The following GSG1L variants were observed in gnomAD, a reference collection of about 807,000 sequenced individuals.
The protein encoded by GSG1L is germ cell-specific gene 1-like protein.
Under a neutral mutation model 42.1 loss-of-function variants are expected in GSG1L, and 24 were observed. The ratio of observed to expected loss-of-function variants is 0.57; its 90% CI spans 0.41 to 0.80. The LOEUF (loss-of-function observed/expected upper bound fraction) is 0.80, where lower values mean the gene tolerates loss of function less well. GSG1L is among the 30% of genes least tolerant of loss of function. The probability of loss-of-function intolerance (pLI) is 0.00; values close to 1 mark genes in which losing one functional copy is unlikely to be tolerated. For synonymous variants in GSG1L, 215 were observed against 203.5 expected, an observed-to-expected ratio of 1.06 and a Z score of -0.48; for missense variants, 445 against 472.2, an observed-to-expected ratio of 0.94 and a Z score of 0.53.
intron 1 of GSG1L, among the ~76,000 whole-genome samples, chr16:28,030,614 C>T (rs1294288872): frequency 6.6e-6 from 1 of 152,192 alleles, no homozygotes; most frequent in Non-Finnish European, 1.5e-5. Flanking sequence ...AAAAATTTGT[C>T]TTTTTGCTTG....
intron 3 of GSG1L, among the ~76,000 whole-genome samples, chr16:27,859,964 G>C (rs549016545): frequency 1.2e-3 from 186 of 152,260 alleles, no homozygotes; most frequent in African/African-American, 4.1e-3. Context: ...TTACAGACGT[G>C]AGCTGCCACA....
intron 1 of GSG1L, among the ~76,000 whole-genome samples, chr16:27,990,314 A>G (rs2085441291): frequency 6.6e-6 from 1 of 152,146 alleles, no homozygotes. Flanking sequence ...TTTCCCTCTA[A>G]TTTCTCCATA....
chr16:27,799,589 AAAGAAGGGCTCAGAGAGGAAC>A (rs2082859641), intron 6 of GSG1L, among the ~76,000 whole-genome samples: 1 of 152,152 alleles, frequency 6.6e-6, no homozygotes. Context: ...ACAAGTGAGC[AAAGAAGGGCTCAGAGAGGAAC>A]AAGTGATGGA....
chr16:27,976,864 A>C (rs1259968230), intron 1 of GSG1L, among the ~76,000 whole-genome samples: 1 of 152,198 alleles, frequency 6.6e-6, no homozygotes, highest in Non-Finnish European at 1.5e-5. Flanking sequence ...TGTCTTGTTC[A>C]CCAACCACTC....
chr16:27,964,165 A>G (rs1019846922), intron 1 of GSG1L, among the ~76,000 whole-genome samples: 1 of 152,226 alleles, frequency 6.6e-6, no homozygotes, highest in African/African-American at 2.4e-5. Context: ...CCCCATCTCT[A>G]CTAAAAATAC....
At chr16:27,948,358 G>GTACTCT (rs1269011558) in intron 2 of GSG1L, among the ~76,000 whole-genome samples, 1 of 150,566 alleles carries the variant, frequency 6.6e-6, no homozygotes, top group African/African-American at 2.4e-5. Flanking sequence ...TAAGGTTTTG[G>GTACTCT]TATTCTTATT....
intron 2 of GSG1L, among the ~76,000 whole-genome samples, chr16:27,940,937 A>G (rs1286183824): frequency 9.9e-5 from 15 of 152,068 alleles, no homozygotes; most frequent in Admixed American, 9.8e-4. Flanking sequence ...AGGATGGATA[A>G]ATTTAGCTGC....
Position 27,887,584 on chromosome 16 carries a change from C to T in GSG1L, c.398-2946G>A, listed in dbSNP as rs115313208. On this transcript the variant is annotated intron_variant, in intron 2 of 6. Transcript: ENST00000447459. ...AACATGTCCTTTTCTAGCTCTCTGC[C>T]TTTGCACAAGTTGTTCCTTCCACCT... 1.3e-3 allele frequency among the ~76,000 whole-genome samples: 193 copies of T among 152,314 alleles called. 1 individual carries two copies. The highest frequency in any genetic ancestry group is 4.2e-3 in the African/African-American group (176 of 41,590).
At chr16:27,844,452 G>A (rs1195593954) in intron 4 of GSG1L, among the ~76,000 whole-genome samples, 3 of 152,018 alleles carry the variant, frequency 2.0e-5, no homozygotes, top group Non-Finnish European at 4.4e-5. Flanking sequence ...ACCTTCCATA[G>A]CACGCCTCTT....
intron 2 of GSG1L, among the ~76,000 whole-genome samples, chr16:27,923,770 A>G (rs62033482): frequency 1.5e-4 from 20 of 133,980 alleles, no homozygotes; most frequent in South Asian, 2.5e-4. Context: ...GAAAGAAAGA[A>G]AGAGAGAGAG....
chr16:28,016,761 C>CA (rs1158697075), intron 1 of GSG1L, among the ~76,000 whole-genome samples: 8 of 152,144 alleles, frequency 5.3e-5, no homozygotes, highest in Admixed American at 4.6e-4. Context: ...CCTCTCTGCA[C>CA]AATTATCTAC....
At chr16:27,948,914 T>TTATTATTATTATTATTAG (rs1385000956) in intron 2 of GSG1L, among the ~76,000 whole-genome samples, 7 of 148,232 alleles carry the variant, frequency 4.7e-5, no homozygotes, top group East Asian at 3.9e-4. Context: ...TGATCTATTA[T>TTATTATTATTATTATTAG]TATTATTATT....
In GSG1L at chr16:27,863,703, C is replaced by T. The variant is rs74757926; in HGVS notation, c.551-18642G>A. Reference sequence around the variant, plus strand: ...CTCAGCTCAGGGAACTATCATATTTCGAGATGACAGCCAAAAGAGAGCCCA... The same window carrying T: ...CTCAGCTCAGGGAACTATCATATTTTGAGATGACAGCCAAAAGAGAGCCCA... On this transcript the variant is annotated intron_variant, in intron 3 of 6. Transcript: ENST00000447459. Among the ~76,000 whole-genome samples, 292 of 152,310 alleles carry T rather than the reference C, an allele frequency of 1.9e-3. 4 individuals are homozygous for T. The East Asian group carries it at 0.053, about 28-fold the overall frequency.
intron 2 of GSG1L, among the ~76,000 whole-genome samples, chr16:27,894,477 C>CA (rs1264588223): frequency 3.3e-5 from 5 of 152,090 alleles, no homozygotes; most frequent in Non-Finnish European, 7.4e-5. Flanking sequence ...CCTTTTTTCT[C>CA]AAAAAATCCA....
chr16:27,995,544 G>C (rs546833763), intron 1 of GSG1L, among the ~76,000 whole-genome samples: 1 of 152,236 alleles, frequency 6.6e-6, no homozygotes, highest in South Asian at 2.1e-4. Flanking sequence ...CCTAATATCA[G>C]AAAGATCTTG....
intron 1 of GSG1L, among the ~76,000 whole-genome samples, chr16:28,032,748 C>T (rs1186149664): frequency 1.3e-5 from 2 of 152,130 alleles, no homozygotes; most frequent in Non-Finnish European, 2.9e-5. Flanking sequence ...GTCCAAAATG[C>T]CTCTTCCCCT....
At chr16:27,841,766 T>C (rs1352733140) in intron 4 of GSG1L, among the ~76,000 whole-genome samples, 3 of 152,084 alleles carry the variant, frequency 2.0e-5, no homozygotes, top group Non-Finnish European at 4.4e-5. Context: ...TCGGTGCCCC[T>C]TGGGAGGCCA....
chr16:27,864,318 A>C (rs114229080), intron 3 of GSG1L, among the ~76,000 whole-genome samples: 5 of 152,294 alleles, frequency 3.3e-5, no homozygotes, highest in African/African-American at 1.2e-4. Context: ...ATAGTTTCCA[A>C]AGGAAAGTCA....
At chr16:27,892,301 A>T (rs2141033731) in intron 2 of GSG1L, among the ~76,000 whole-genome samples, 1 of 152,162 alleles carries the variant, frequency 6.6e-6, no homozygotes, top group East Asian at 1.9e-4. Flanking sequence ...CAAAAATTTT[A>T]AAAATTAGCC....
Sources: allele counts gnomAD v4.1 joint callset (sites outside exome capture counted in the v4.1 genomes callset), GRCh38; gene constraint gnomAD v4.1.1; transcripts MANE v1.5; gene names NCBI Gene and HGNC (gene_info 2026-07-23, HGNC 2026-07-21).